Variants in ZDHHC2 observed in about 807,000 individuals in gnomAD.
ZDHHC2 encodes the protein zDHHC palmitoyltransferase 2.
ZDHHC2 carries 51 observed loss-of-function variants against 55.6 expected under a neutral mutation model. The observed-to-expected ratio is 0.92, with a 90% CI of 0.73 to 1.16. The LOEUF (loss-of-function observed/expected upper bound fraction) is 1.16, where lower values mean the gene tolerates loss of function less well. Ranked by LOEUF, ZDHHC2 falls within the 50% of genes most tolerant of loss-of-function variation. The pLI is 0.00. For missense variants in ZDHHC2, 491 were observed against 442.4 expected (o/e 1.11, Z -0.99); for synonymous variants, 199 against 152.9 (o/e 1.30, Z -2.22).
rs373652171 is a variant in ZDHHC2 at position 17,224,531 on chromosome 8, C to G, written c.*4310C>G. 64 of 151,588 alleles carry G rather than the reference C, an allele frequency of 4.2e-4. No homozygotes were observed. Among genetic ancestry groups the G allele is most frequent in the African/African-American group, 1.5e-3 (64 of 41,458 alleles). 9.4% of individuals were successfully genotyped at this position (151,588 alleles called of 1,614,324 possible). A position where few individuals can be genotyped will look rare whatever the true frequency, so the allele number is the denominator to read the frequency against. ...GTTTAACAGTACAAGGAGCTGAATC[C>G]TACCTGAAATTATTAATGCTTAATA... On this transcript the variant is annotated 3_prime_UTR_variant, in exon 13 of 13. Transcript: ENST00000262096.
chr8:17,185,514 A>G (rs984163399), intron 2 of ZDHHC2, among the ~76,000 whole-genome samples: 4 of 151,796 alleles, frequency 2.6e-5, no homozygotes, highest in South Asian at 2.1e-4. Context: ...AAAGAAAAAT[A>G]CTAACATTAG....
At position 17,223,353 on chromosome 8, in the gene ZDHHC2, C is replaced by G. The variant is rs1400351115; in HGVS notation, c.*3132C>G. ...CAGCACAACCATCCCACCCACACAC[C>G]TAGACTACAGATTCTGATCTGTGAA... On this transcript the variant is annotated 3_prime_UTR_variant, in exon 13 of 13. Transcript: ENST00000262096. 2 of 151,846 alleles carry G rather than the reference C, an allele frequency of 1.3e-5. No individual in the cohort carries two copies. The highest frequency in any genetic ancestry group is 2.4e-5 in the African/African-American group (1 of 41,426). The allele number at this position is 151,846 out of a possible 1,614,324, so 9.4% of individuals were successfully genotyped here. A position where few individuals can be genotyped will look rare whatever the true frequency, so the allele number is the denominator to read the frequency against.
At chr8:17,192,991 A>G (rs1290025559) in intron 3 of ZDHHC2, among the ~76,000 whole-genome samples, 2 of 152,168 alleles carry the variant, frequency 1.3e-5, no homozygotes, top group African/African-American at 2.4e-5. Context: ...TGCCAGTACC[A>G]TGCTATTTTG....
At chr8:17,184,603 C>G (rs1004347498) in intron 1 of ZDHHC2, among the ~76,000 whole-genome samples, 186 bp from the exon 2 acceptor site, 1 of 114,266 alleles carries the variant, frequency 8.8e-6, no homozygotes, top group South Asian at 3.5e-4. Flanking sequence ...ACTGCAGCCT[C>G]CAGCCGTTTC....
chr8:17,179,098 G>A (rs1196991954), intron 1 of ZDHHC2, among the ~76,000 whole-genome samples: 2 of 152,072 alleles, frequency 1.3e-5, no homozygotes, highest in African/African-American at 4.8e-5. Flanking sequence ...CCATGGGTGG[G>A]CACCACTATG....
At chr8:17,181,063 G>A (rs776176710) in intron 1 of ZDHHC2, among the ~76,000 whole-genome samples, 4 of 152,104 alleles carry the variant, frequency 2.6e-5, no homozygotes, top group Non-Finnish European at 5.9e-5. Context: ...GATTACTTTC[G>A]CTTTTTTCAA....
rs1808023526 is a variant in ZDHHC2 at position 17,224,000 on chromosome 8, G to A, written c.*3779G>A. The A allele has an allele frequency of 6.6e-6, 1 of 151,586 alleles. No individual in the cohort carries two copies. The allele number at this position is 151,586 out of a possible 1,614,324, so 9.4% of individuals were successfully genotyped here. A position where few individuals can be genotyped will look rare whatever the true frequency, so the allele number is the denominator to read the frequency against. On this transcript the variant is annotated 3_prime_UTR_variant, in exon 13 of 13. Transcript: ENST00000262096. ...GAAGTATCTCCCAGAACAATGTTGAGTGTTTCAGGAGACTCTGAAACAGGG... is the reference window on the plus strand; with the variant it reads ...GAAGTATCTCCCAGAACAATGTTGAATGTTTCAGGAGACTCTGAAACAGGG...
chr8:17,175,376 C>G (rs1278689052), intron 1 of ZDHHC2, among the ~76,000 whole-genome samples: 1 of 152,188 alleles, frequency 6.6e-6, no homozygotes, highest in African/African-American at 2.4e-5. Context: ...TGCTTATTCA[C>G]GCTTAAAAGG....
chr8:17,218,117 T>C (rs1442991456), intron 12 of ZDHHC2, among the ~76,000 whole-genome samples: 1 of 152,208 alleles, frequency 6.6e-6, no homozygotes, highest in African/African-American at 2.4e-5. Context: ...ACCTGGCAAT[T>C]TGCCAGCTGA....
intron 12 of ZDHHC2, among the ~76,000 whole-genome samples, chr8:17,219,379 T>C (rs760860406): frequency 4.0e-5 from 6 of 151,864 alleles, no homozygotes; most frequent in Non-Finnish European, 7.4e-5. Context: ...AGTTTCCAGA[T>C]GGTTATAATG....
chr8:17,186,585 C>T (rs1264317929), intron 3 of ZDHHC2, among the ~76,000 whole-genome samples, 160 bp downstream of exon 3: 1 of 152,068 alleles, frequency 6.6e-6, no homozygotes. Flanking sequence ...CTTGAATTTT[C>T]ACCTGGAAAT....
intron 1 of ZDHHC2, among the ~76,000 whole-genome samples, chr8:17,183,457 T>C (rs535467306): frequency 1.4e-4 from 21 of 152,310 alleles, no homozygotes; most frequent in African/African-American, 4.1e-4. Context: ...GCCTCTGACT[T>C]ACAAGCGGAC....
At position 17,174,933 on chromosome 8, in the gene ZDHHC2, C is replaced by A. The variant is rs376474536; in HGVS notation, c.131-9856C>A. ...GTAGAGACAGAGTTTTACCATGTTGCCAAGGCTGGTCTCAAACTCCTGGGC... is the reference window on the plus strand; with the variant it reads ...GTAGAGACAGAGTTTTACCATGTTGACAAGGCTGGTCTCAAACTCCTGGGC... On this transcript the variant is annotated intron_variant, in intron 1 of 12. Coordinates refer to ENST00000262096, the MANE Select transcript of ZDHHC2 (RefSeq NM_016353.5). 2.6e-5 allele frequency among the ~76,000 whole-genome samples: 4 copies of A among 151,784 alleles called. No homozygotes were observed. The South Asian group carries it at 8.3e-4, about 32-fold the overall frequency.
At chr8:17,162,181 C>G (rs1433122077) in intron 1 of ZDHHC2, among the ~76,000 whole-genome samples, 1 of 152,140 alleles carries the variant, frequency 6.6e-6, no homozygotes, top group Non-Finnish European at 1.5e-5. Context: ...ATGTACTGGA[C>G]AATGCAGCAT....
Position 17,195,602 on chromosome 8 carries a change from C to G in ZDHHC2, c.351C>G (p.Ile117Met), listed in dbSNP as rs201060834. 9 of 1,613,802 alleles carry G rather than the reference C, an allele frequency of 5.6e-6. No individual in the cohort carries two copies. Among genetic ancestry groups the G allele is most frequent in the African/African-American group, 4.0e-5 (3 of 74,932 alleles). ...VLRRAAKDLP[I>M]YTRTMSGAIR... ...GGCGAGCAGCCAAGGATCTTCCCAT[C>G]TATACCAGGACCATGTCTGGAGGTA... is the stretch of plus-strand genomic sequence containing the variant. The change falls in exon 4 of 13, where the codon ATC becomes ATG. Residue 117 changes from isoleucine (I) to methionine (M), a missense_variant. Transcript: ENST00000262096.
chr8:17,205,365 C>T (rs895886367), intron 6 of ZDHHC2, among the ~76,000 whole-genome samples: 2 of 152,212 alleles, frequency 1.3e-5, no homozygotes, highest in Non-Finnish European at 2.9e-5. Context: ...CGGTTTCTCG[C>T]AGGCTCTGTG....
intron 6 of ZDHHC2, among the ~76,000 whole-genome samples, chr8:17,201,400 A>T (rs951384582): frequency 3.4e-5 from 5 of 146,932 alleles, no homozygotes; most frequent in Non-Finnish European, 7.5e-5. Context: ...GCTTTGTGTG[A>T]ATGTATTCAT....
chr8:17,166,109 C>T (rs912615852), intron 1 of ZDHHC2, among the ~76,000 whole-genome samples: 3 of 152,146 alleles, frequency 2.0e-5, no homozygotes, highest in African/African-American at 7.2e-5. Flanking sequence ...GAATCCACTG[C>T]AGGGTGTTGA....
intron 10 of ZDHHC2, among the ~76,000 whole-genome samples, chr8:17,211,050 T>C (rs936274483): frequency 7.2e-5 from 11 of 152,280 alleles, no homozygotes; most frequent in African/African-American, 2.6e-4. Flanking sequence ...TGCTCCAGCT[T>C]TAAGTTTGTT....
Sources: gnomAD v4.1 joint callset for allele counts (sites outside exome capture counted in the v4.1 genomes callset) on GRCh38, gnomAD v4.1.1 for gene constraint, MANE v1.5 for transcripts, NCBI Gene and HGNC (gene_info 2026-07-23, HGNC 2026-07-21) for gene names.